Variants in PCDHGA11 observed in about 807,000 individuals in gnomAD.
PCDHGA11 encodes protocadherin gamma-A11.
PCDHGA11 carries 39 observed loss-of-function variants against 60.4 expected under a neutral mutation model. That is an observed-to-expected ratio of 0.65 (90% CI 0.50 to 0.84). PCDHGA11 has a LOEUF of 0.84. Ranked by LOEUF, PCDHGA11 falls within the 40% of genes least tolerant of loss-of-function variation. The pLI, the probability that PCDHGA11 is intolerant of heterozygous loss-of-function variation, is 0.00. For synonymous variants in PCDHGA11, 533 were observed against 510.3 expected, an observed-to-expected ratio of 1.04 and a Z score of -0.60; for missense variants, 1,165 against 1,197.7, an observed-to-expected ratio of 0.97 and a Z score of 0.40.
At position 141,486,094 on chromosome 5, in the gene PCDHGA11, C is replaced by G. The variant is rs749887136; in HGVS notation, c.2434-8713C>G. 2 of 1,614,112 alleles carry G rather than the reference C, an allele frequency of 1.2e-6. No homozygotes were observed. Among genetic ancestry groups the G allele is most frequent in the Admixed American group, 3.3e-5 (2 of 60,018 alleles). ...CTGGAAAGCTTACTCTTTTGGGGCCCCTAGACTTTGAGAGTGAGAATTACT... is the reference window on the plus strand; with the variant it reads ...CTGGAAAGCTTACTCTTTTGGGGCCGCTAGACTTTGAGAGTGAGAATTACT... On this transcript the variant is annotated intron_variant, in intron 1 of 3. Coordinates refer to ENST00000398587, the MANE Select transcript of PCDHGA11 (RefSeq NM_018914.3). The surrounding 1 kb of genome is among the most constrained non-coding windows in gnomAD (Gnocchi z 5.0).
rs188587553 is a variant in PCDHGA11 at position 141,422,655 on chromosome 5, C to G, written c.1428C>G (p.Thr476=). The G allele has an allele frequency of 1.2e-6, 2 of 1,610,122 alleles. No homozygotes were observed. The highest frequency in any genetic ancestry group is 2.2e-5 in the South Asian group (2 of 90,402). ...NPRGASIFSV[T]ALDPDSKQNA... ...GGGGTGCCTCCATCTTCTCAGTGAC[C>G]GCCCTCGACCCGGACAGCAAACAGA... is the stretch of plus-strand genomic sequence containing the variant. The change falls in exon 1 of 4, where the codon ACC becomes ACG. Residue 476 remains threonine, a synonymous_variant. Coordinates refer to ENST00000398587, the MANE Select transcript of PCDHGA11 (RefSeq NM_018914.3).
intron 2 of PCDHGA11, among the ~76,000 whole-genome samples, chr5:141,498,710 T>C (rs2099785302): frequency 1.3e-5 from 2 of 152,108 alleles, no homozygotes. Flanking sequence ...GGTGGGTGGA[T>C]CACCTGAGGT....
In PCDHGA11 at chr5:141,421,933, G is replaced by A. The variant is rs1310432014; in HGVS notation, c.706G>A (p.Val236Ile). Reference sequence around the variant, plus strand: ...TCCCATTCGTGTGGTGGTCCTCGATGTAAATGATCACATCCCAATGTTTAC... The same window carrying A: ...TCCCATTCGTGTGGTGGTCCTCGATATAAATGATCACATCCCAATGTTTAC... ...AVPIRVVVLDVNDHIPMFTQS... is the reference protein window; with the variant it reads ...AVPIRVVVLDINDHIPMFTQS... Residue 236 changes from valine to isoleucine, a missense_variant, in exon 1 of 4, where the codon GTA becomes ATA. By Grantham distance (29) the Val-to-Ile change is conservative. Coordinates refer to ENST00000398587, the MANE Select transcript of PCDHGA11 (RefSeq NM_018914.3). 6.2e-7 allele frequency: 1 copy of A among 1,613,446 alleles called. No homozygotes were observed. Among genetic ancestry groups the A allele is most frequent in the Non-Finnish European group, 8.5e-7 (1 of 1,179,772 alleles).
Position 141,491,858 on chromosome 5 carries a change from A to G in PCDHGA11, c.2434-2949A>G, listed in dbSNP as rs17208425. 297,575 of 1,456,446 alleles carry G rather than the reference A, an allele frequency of 0.2. 31,644 individuals are homozygous for G. The highest frequency in any genetic ancestry group is 0.33 in the Admixed American group (11,758 of 35,494). 90.2% of individuals were successfully genotyped at this position (1,456,446 alleles called of 1,614,324 possible). On this transcript the variant is annotated intron_variant, in intron 1 of 3. Transcript: ENST00000398587. This position sits in a 1 kb window ranked among gnomAD's most constrained non-coding sequence, Gnocchi z 6.9. ...TCGGGATCATTGGACCGTTTGCGCG[A>G]AACCAGAGTGGCCGATTAAGGGATG... is the stretch of plus-strand genomic sequence containing the variant.
intron 1 of PCDHGA11, chr5:141,492,070 GCCGGCT>G (rs1329848558): frequency 2.1e-6 from 1 of 477,826 alleles, no homozygotes; most frequent in Non-Finnish European, 3.7e-6. Context: ...CCTCCTAGGC[GCCGGCT>G]CCGGCACGCT....
intron 1 of PCDHGA11, among the ~76,000 whole-genome samples, chr5:141,434,384 G>T (rs980455943): frequency 2.6e-5 from 4 of 152,208 alleles, no homozygotes; most frequent in African/African-American, 4.8e-5. Context: ...CCCAAAACTG[G>T]CCATAAACAA....
chr5:141,475,553 T>A (rs1159585016), intron 1 of PCDHGA11, among the ~76,000 whole-genome samples: 2 of 152,260 alleles, frequency 1.3e-5, no homozygotes, highest in Non-Finnish European at 2.9e-5. Flanking sequence ...GTCCGGCTAA[T>A]TGTCTGTCTT....
intron 3 of PCDHGA11, chr5:141,507,313 T>TAC (rs1554192306): frequency 6.7e-6 from 1 of 150,168 alleles, no homozygotes. Context: ...CATAATGTAC[T>TAC]AAAAAAAAAA....
At position 141,422,386 on chromosome 5, in the gene PCDHGA11, A is replaced by G; in HGVS notation, c.1159A>G (p.Ile387Val). The G allele has an allele frequency of 1.3e-6, 2 of 1,587,922 alleles. No homozygotes were observed. The highest frequency in any genetic ancestry group is 1.7e-6 in the Non-Finnish European group (2 of 1,170,396). ...AGAAAATGGTCAAGTCTCCTGTTTTATTCCTAACCACCTGCCTTTTAAATT... is the reference window on the plus strand; with the variant it reads ...AGAAAATGGTCAAGTCTCCTGTTTTGTTCCTAACCACCTGCCTTTTAAATT... ...SGENGQVSCF[I>V]PNHLPFKLEK... is the part of the protein sequence containing the mutation. The change falls in exon 1 of 4, where the codon ATT (isoleucine) becomes GTT (valine). Residue 387 changes from isoleucine to valine, a missense_variant. Physicochemically the swap from Ile to Val is conservative, Grantham distance 29. Coordinates refer to ENST00000398587, the MANE Select transcript of PCDHGA11 (RefSeq NM_018914.3).
intron 1 of PCDHGA11, among the ~76,000 whole-genome samples, chr5:141,494,177 TG>T (rs2099752471): frequency 6.6e-6 from 1 of 152,176 alleles, no homozygotes; most frequent in Non-Finnish European, 1.5e-5. Flanking sequence ...GGGTGAGAAG[TG>T]TCCCGGGACT....
chr5:141,439,117 C>T (rs1219829519), intron 1 of PCDHGA11, among the ~76,000 whole-genome samples: 6 of 150,696 alleles, frequency 4.0e-5, no homozygotes, highest in African/African-American at 7.3e-5. Context: ...CACTTGAACC[C>T]GGGAGACAGA....
At chr5:141,483,323 G>A (rs2099579999) in intron 1 of PCDHGA11, among the ~76,000 whole-genome samples, 1 of 152,104 alleles carries the variant, frequency 6.6e-6, no homozygotes, top group Non-Finnish European at 1.5e-5. Flanking sequence ...GGGACTGGAG[G>A]CAAAGAGATC....
At chr5:141,442,674 A>G (rs2098335634) in intron 1 of PCDHGA11, among the ~76,000 whole-genome samples, 1 of 152,272 alleles carries the variant, frequency 6.6e-6, no homozygotes, top group Non-Finnish European at 1.5e-5. Context: ...GGTGAGCTTG[A>G]GGGACAGTAG....
In PCDHGA11 at chr5:141,485,961, A is replaced by C. The variant is rs766687554; in HGVS notation, c.2434-8846A>C. ...GCACCAGCGGGCATGGTGCTCATCC[A>C]GCTCAATGCCTCAGACCCGGACCTG... On this transcript the variant is annotated intron_variant, in intron 1 of 3. Coordinates refer to ENST00000398587, the MANE Select transcript of PCDHGA11 (RefSeq NM_018914.3). The surrounding 1 kb of genome is among the most constrained non-coding windows in gnomAD (Gnocchi z 5.7). 6.2e-7 allele frequency: 1 copy of C among 1,614,204 alleles called. No homozygotes were observed. The highest frequency in any genetic ancestry group is 1.1e-5 in the South Asian group (1 of 91,090).
intron 1 of PCDHGA11, chr5:141,426,432 C>A (rs1239073805): frequency 1.0e-5 from 3 of 295,812 alleles, no homozygotes; most frequent in South Asian, 3.3e-5. Flanking sequence ...TGGTGGGGAA[C>A]CTTGCGGAGG....
chr5:141,458,054 T>G (rs2098935656), intron 1 of PCDHGA11, among the ~76,000 whole-genome samples: 1 of 152,252 alleles, frequency 6.6e-6, no homozygotes, highest in Admixed American at 6.5e-5. Context: ...GGATTCTTGC[T>G]GCACTGATGC....
chr5:141,427,810 G>T, intron 1 of PCDHGA11: 1 of 1,523,990 alleles, frequency 6.6e-7, no homozygotes, highest in Non-Finnish European at 9.0e-7. Flanking sequence ...AGCGCACAGA[G>T]CGGGGTGGTG....
In PCDHGA11 at chr5:141,487,605, A is replaced by G. The variant is rs202066746; in HGVS notation, c.2434-7202A>G. Reference sequence around the variant, plus strand: ...AGCTGCCCACCCTCTGATCTTCTCTATGGGCTAGAGGTGAGACCTTTGCAG... The same window carrying G: ...AGCTGCCCACCCTCTGATCTTCTCTGTGGGCTAGAGGTGAGACCTTTGCAG... On this transcript the variant is annotated intron_variant, in intron 1 of 3. Transcript: ENST00000398587. The surrounding 1 kb of genome is among the most constrained non-coding windows in gnomAD (Gnocchi z 5.0). 8.7e-6 allele frequency: 14 copies of G among 1,614,008 alleles called. No individual in the cohort carries two copies. In the South Asian group the frequency reaches 8.8e-5, roughly 10 times the overall value.
At chr5:141,441,779 C>T in intron 1 of PCDHGA11, 2 of 390,030 alleles carry the variant, frequency 5.1e-6, no homozygotes, top group South Asian at 2.0e-5. Context: ...TGGTGGACGA[C>T]CTGAATGACA....
Sources: gnomAD v4.1 joint callset for allele counts (sites outside exome capture counted in the v4.1 genomes callset) on GRCh38, gnomAD v4.1.1 for gene constraint, Gnocchi (gnomAD v3.1) non-coding constraint, MANE v1.5 for transcripts, NCBI Gene and HGNC (gene_info 2026-07-23, HGNC 2026-07-21) for gene names.